CDH18: variants seen among roughly 807,000 people sequenced by gnomAD.
The protein encoded by CDH18 is cadherin-18.
A neutral mutation model predicts 67.9 loss-of-function variants in CDH18; 31 were observed. That is an observed-to-expected ratio of 0.46 (90% CI 0.34 to 0.62). The LOEUF (loss-of-function observed/expected upper bound fraction) is 0.62. CDH18 is among the 20% of genes least tolerant of loss of function. The pLI is 0.01. For synonymous variants in CDH18, 362 were observed against 347.2 expected, an observed-to-expected ratio of 1.04 and a Z score of -0.48; for missense variants, 890 against 975.5, an observed-to-expected ratio of 0.91 and a Z score of 1.17.
At chr5:19,872,541 T>C (rs1276005780) in intron 2 of CDH18, among the ~76,000 whole-genome samples, 2 of 152,134 alleles carry the variant, frequency 1.3e-5, no homozygotes, top group Non-Finnish European at 2.9e-5. Flanking sequence ...GCCTTGAAGA[T>C]GCAAGCTGCC....
At chr5:20,100,959 T>A (rs1251826939) in intron 2 of CDH18, among the ~76,000 whole-genome samples, 12 of 152,286 alleles carry the variant, frequency 7.9e-5, no homozygotes, top group Admixed American at 3.3e-4. Context: ...CTGAGGAATT[T>A]TTTTCCTTTC....
At chr5:19,735,326 C>G (rs1768158652) in intron 4 of CDH18, among the ~76,000 whole-genome samples, 1 of 151,048 alleles carries the variant, frequency 6.6e-6, no homozygotes, top group Admixed American at 6.6e-5. Flanking sequence ...TCTTATATCT[C>G]TTTGCTGAAA....
chr5:20,256,106 AAATT>A (rs1194047853), intron 1 of CDH18, among the ~76,000 whole-genome samples: 6 of 152,044 alleles, frequency 3.9e-5, no homozygotes, highest in Non-Finnish European at 7.4e-5. Flanking sequence ...ATATTTCAAT[AAATT>A]AAAATTTGAA....
chr5:20,526,131 ACAGCATCTATGG>A (rs1268918456), intron 1 of CDH18, among the ~76,000 whole-genome samples: 4 of 152,142 alleles, frequency 2.6e-5, no homozygotes, highest in Admixed American at 6.5e-5. Flanking sequence ...ACAGGGCAGC[ACAGCATCTATGG>A]CAGATCGTGG....
intron 8 of CDH18, among the ~76,000 whole-genome samples, chr5:19,561,872 T>A (rs1284442106): frequency 6.6e-6 from 1 of 152,178 alleles, no homozygotes; most frequent in Non-Finnish European, 1.5e-5. Flanking sequence ...TCAAGTATCA[T>A]GTGTTTATGA....
At chr5:19,725,439 A>G (rs1766708914) in intron 4 of CDH18, among the ~76,000 whole-genome samples, 1 of 152,172 alleles carries the variant, frequency 6.6e-6, no homozygotes. Context: ...CAAGCTTAAA[A>G]TATGGTTAAA....
At chr5:19,977,140 A>G (rs1427810209) in intron 2 of CDH18, among the ~76,000 whole-genome samples, 2 of 152,222 alleles carry the variant, frequency 1.3e-5, no homozygotes, top group Admixed American at 6.5e-5. Flanking sequence ...TAAGAAATTA[A>G]AGGAACAAAA....
chr5:20,121,428 T>C (rs1748342849), intron 2 of CDH18, among the ~76,000 whole-genome samples: 1 of 151,862 alleles, frequency 6.6e-6, no homozygotes, highest in African/African-American at 2.4e-5. Flanking sequence ...CCTGTTTTTT[T>C]GTTGAAATCT....
chr5:19,567,750 A>G (rs1475785392), intron 8 of CDH18, among the ~76,000 whole-genome samples: 2 of 152,188 alleles, frequency 1.3e-5, no homozygotes, highest in Non-Finnish European at 1.5e-5. Flanking sequence ...ACCAAAACAA[A>G]GCAGAAAGAA....
At chr5:20,547,831 G>C (rs1057413081) in intron 1 of CDH18, among the ~76,000 whole-genome samples, 4 of 151,982 alleles carry the variant, frequency 2.6e-5, no homozygotes, top group Admixed American at 1.3e-4. Context: ...AGTTTACTTA[G>C]TTGATTAACA....
intron 2 of CDH18, among the ~76,000 whole-genome samples, chr5:20,033,120 G>A (rs1293895117): frequency 6.6e-6 from 1 of 151,786 alleles, no homozygotes; most frequent in Non-Finnish European, 1.5e-5. Flanking sequence ...TCTTTAACCT[G>A]CAATGCATGC....
At chr5:19,561,764 C>T (rs576937081) in intron 8 of CDH18, among the ~76,000 whole-genome samples, 1 of 152,118 alleles carries the variant, frequency 6.6e-6, no homozygotes, top group East Asian at 1.9e-4. Context: ...ATATCTTTAG[C>T]TATGTGCTTT....
At chr5:19,844,530 AC>A (rs1782705938) in intron 2 of CDH18, among the ~76,000 whole-genome samples, 1 of 152,106 alleles carries the variant, frequency 6.6e-6, no homozygotes, top group African/African-American at 2.4e-5. Flanking sequence ...TCTATAAATT[AC>A]CCAGTCTTGA....
chr5:19,618,716 A>T (rs186223952), intron 5 of CDH18, among the ~76,000 whole-genome samples: 1 of 152,310 alleles, frequency 6.6e-6, no homozygotes, highest in South Asian at 2.1e-4. Flanking sequence ...GGTCCCAGGC[A>T]TAAGTTTTGT....
Position 20,144,452 on chromosome 5 carries a change from T to G in CDH18, c.-518+110992A>C, listed in dbSNP as rs567848518. 7.9e-5 allele frequency among the ~76,000 whole-genome samples: 12 copies of G among 152,326 alleles called. 1 individual carries two copies. Among genetic ancestry groups the G allele is most frequent in the African/African-American group, 2.6e-4 (11 of 41,578 alleles). On this transcript the variant is annotated intron_variant, in intron 2 of 14. Coordinates refer to the CDH18 transcript ENST00000507958. ...CTATTCTACTCCTATAGCAGCAGTATATTTTGAAGGAAGATAACTTGTCTG... is the reference window on the plus strand; with the variant it reads ...CTATTCTACTCCTATAGCAGCAGTAGATTTTGAAGGAAGATAACTTGTCTG...
intron 1 of CDH18, among the ~76,000 whole-genome samples, chr5:20,538,098 AG>A (rs5866437): frequency 0.44 from 67,189 of 151,856 alleles, 15,293 homozygotes; most frequent in East Asian, 0.57. Flanking sequence ...GCCAATAGAA[AG>A]AGGGAAGTGC....
At chr5:20,225,994 T>C (rs1741596443) in intron 2 of CDH18, among the ~76,000 whole-genome samples, 1 of 151,988 alleles carries the variant, frequency 6.6e-6, no homozygotes, top group Non-Finnish European at 1.5e-5. Flanking sequence ...TTGCAGGAAG[T>C]GATGGGAGAA....
chr5:19,862,348 C>A (rs1784995289), intron 2 of CDH18, among the ~76,000 whole-genome samples: 1 of 152,096 alleles, frequency 6.6e-6, no homozygotes, highest in Non-Finnish European at 1.5e-5. Flanking sequence ...AAAAACACAC[C>A]TTTGTGTCTA....
intron 2 of CDH18, among the ~76,000 whole-genome samples, chr5:19,843,645 G>T (rs1228285186): frequency 6.6e-6 from 1 of 152,200 alleles, no homozygotes; most frequent in Non-Finnish European, 1.5e-5. Flanking sequence ...CCAGAAACCA[G>T]AATTGTAGAT....
Sources: allele counts gnomAD v4.1 joint callset (sites outside exome capture counted in the v4.1 genomes callset), GRCh38; gene constraint gnomAD v4.1.1; transcripts MANE v1.5; gene names NCBI Gene and HGNC (gene_info 2026-07-23, HGNC 2026-07-21).